Variants in REPS2 observed in about 807,000 individuals in gnomAD.
REPS2 encodes RALBP1 associated Eps domain containing 2, also known as ralBP1-associated Eps domain-containing protein 2.
Under a neutral mutation model 53.6 loss-of-function variants are expected in REPS2, and 23 were observed. The observed-to-expected ratio is 0.43, with a 90% CI of 0.31 to 0.61. The LOEUF (loss-of-function observed/expected upper bound fraction) is 0.61. Among genes scored for constraint, REPS2 ranks in the 20% least tolerant of loss-of-function variants. REPS2 has a pLI of 0.11. For missense variants in REPS2, 446 were observed against 534.9 expected, an observed-to-expected ratio of 0.83 and a Z score of 1.64; for synonymous variants, 238 against 218.6, an observed-to-expected ratio of 1.09 and a Z score of -0.78.
chrX:16,959,852 A>T (rs2060639095), intron 1 of REPS2, among the ~76,000 whole-genome samples: 1 of 111,739 alleles, frequency 8.9e-6, no homozygotes, highest in African/African-American at 3.3e-5. Flanking sequence ...TCAAAGCCAG[A>T]CAAAAGATAC....
intron 2 of REPS2, among the ~76,000 whole-genome samples, chrX:17,014,330 C>T (rs976028309): frequency 9.0e-6 from 1 of 111,729 alleles, no homozygotes; most frequent in Non-Finnish European, 1.9e-5. Flanking sequence ...GGGTTCTACC[C>T]GTGGTATGGC....
At chrX:17,117,799 A>T (rs2063076833) in intron 14 of REPS2, among the ~76,000 whole-genome samples, 1 of 110,048 alleles carries the variant, frequency 9.1e-6, no homozygotes, top group African/African-American at 3.3e-5. Flanking sequence ...CAGTAATGGG[A>T]TGACTGGGTC....
intron 14 of REPS2, among the ~76,000 whole-genome samples, chrX:17,129,088 G>A (rs933945): frequency 0.019 from 2,107 of 111,175 alleles, 46 homozygotes; most frequent in African/African-American, 0.066. Flanking sequence ...CAAAACTGTC[G>A]GACAAAGCCA....
At chrX:17,175,369 TAAAG>T in the REPS2 span, among the ~76,000 whole-genome samples, 2 of 112,476 alleles carry the variant, frequency 1.8e-5, no homozygotes, top group Non-Finnish European at 3.8e-5. Flanking sequence ...ATTTTACAGA[TAAAG>T]AAGCTGAGCC....
downstream of REPS2, among the ~76,000 whole-genome samples, chrX:17,156,789 T>C (rs1335421766): frequency 9.0e-6 from 1 of 111,644 alleles, no homozygotes; most frequent in African/African-American, 3.3e-5. Flanking sequence ...TAAATACAGA[T>C]ACAGAGAATT....
intron 1 of REPS2, among the ~76,000 whole-genome samples, chrX:16,987,598 T>C (rs1423532915): frequency 8.9e-6 from 1 of 112,246 alleles, no homozygotes; most frequent in Non-Finnish European, 1.9e-5. Context: ...CAGTAAACTT[T>C]TTCTGTAAAT....
chrX:17,024,046 G>A (rs970027885), intron 3 of REPS2, among the ~76,000 whole-genome samples: 10 of 109,257 alleles, frequency 9.2e-5, no homozygotes, highest in African/African-American at 3.3e-4. Context: ...CCCAGCAGTT[G>A]GGGAGGCCGA....
chrX:16,956,071 A>C (rs1173887382), intron 1 of REPS2, among the ~76,000 whole-genome samples: 1 of 111,477 alleles, frequency 9.0e-6, no homozygotes, highest in Non-Finnish European at 1.9e-5. Flanking sequence ...GAGGCAGGAA[A>C]AAAAAGTGGA....
chrX:17,157,901 C>T (rs931267348), downstream of REPS2, among the ~76,000 whole-genome samples: 4 of 111,824 alleles, frequency 3.6e-5, no homozygotes, highest in Non-Finnish European at 7.5e-5. Flanking sequence ...GAGAAGTGGG[C>T]ACTGGCCCAT....
At chrX:17,056,295 C>T (rs1338801844) in intron 8 of REPS2, among the ~76,000 whole-genome samples, 1 of 112,324 alleles carries the variant, frequency 8.9e-6, no homozygotes, top group East Asian at 2.8e-4. Context: ...GAGGAAGATC[C>T]TGTAGAGCCA....
At chrX:17,127,909 A>G (rs1394561501) in intron 14 of REPS2, among the ~76,000 whole-genome samples, 1 of 111,672 alleles carries the variant, frequency 9.0e-6, no homozygotes, top group East Asian at 2.8e-4. Context: ...CACCTCTAAG[A>G]TGGCTCACTC....
chrX:17,110,520 A>G (rs1424735843), intron 14 of REPS2, among the ~76,000 whole-genome samples: 3 of 101,525 alleles, frequency 3.0e-5, no homozygotes, highest in African/African-American at 1.1e-4. Flanking sequence ...CCTCATCTCT[A>G]CTCAAAAAAA....
chrX:17,097,980 A>T (rs1165574872), intron 13 of REPS2, among the ~76,000 whole-genome samples: 2 of 111,391 alleles, frequency 1.8e-5, no homozygotes, highest in African/African-American at 6.5e-5. Flanking sequence ...TTCAAGAAAA[A>T]ATTTCCAATC....
At chrX:17,076,212 C>G (rs5924546) in intron 12 of REPS2, among the ~76,000 whole-genome samples, 42,249 of 110,956 alleles carry the variant, frequency 0.38, 6,256 homozygotes, top group East Asian at 0.82. Context: ...CTGATATATT[C>G]TAACTTCATA....
At chrX:17,100,143 C>G in intron 13 of REPS2, 3 of 711,870 alleles carry the variant, frequency 4.2e-6, no homozygotes, top group Admixed American at 4.5e-5. Flanking sequence ...TCAGGGCAAT[C>G]CAAGTTCTCT....
rs777086996 is a variant in REPS2 at position 17,057,726 on chromosome X, T to A, written c.1114+2776T>A. 2.7e-5 allele frequency among the ~76,000 whole-genome samples: 3 copies of A among 112,462 alleles called. No homozygotes were observed. In the South Asian group the frequency reaches 1.1e-3, roughly 41 times the overall value. ...CTCGTCTTGTCTTGTCTTGTCTTTT[T>A]CTTTTCTTTTCTTTTCTTTCTGTTT... is the stretch of plus-strand genomic sequence containing the variant. On this transcript the variant is annotated intron_variant, in intron 8 of 17. Coordinates refer to ENST00000357277, the MANE Select transcript of REPS2 (RefSeq NM_004726.3).
intron 1 of REPS2, among the ~76,000 whole-genome samples, chrX:16,963,284 C>T (rs768053571): frequency 4.5e-5 from 5 of 111,973 alleles, no homozygotes; most frequent in African/African-American, 1.6e-4. Flanking sequence ...TTACAATCCT[C>T]TTCATATATT....
chrX:17,191,051 G>A, the REPS2 span, among the ~76,000 whole-genome samples: 1 of 110,984 alleles, frequency 9.0e-6, no homozygotes, highest in African/African-American at 3.3e-5. Flanking sequence ...TGTGACCCAA[G>A]GAGTCCTTAG....
At chrX:17,043,345 A>T (rs755663637) in intron 5 of REPS2, among the ~76,000 whole-genome samples, 1 of 111,137 alleles carries the variant, frequency 9.0e-6, no homozygotes, top group African/African-American at 3.3e-5. Context: ...TTGGGTTCTC[A>T]TGGGAATCTA....
Sources: gnomAD v4.1 joint callset for allele counts (sites outside exome capture counted in the v4.1 genomes callset) on GRCh38, gnomAD v4.1.1 for gene constraint, MANE v1.5 for transcripts, NCBI Gene and HGNC (gene_info 2026-07-23, HGNC 2026-07-21) for gene names.